The following UTP6 variants were observed in gnomAD, a reference collection of about 807,000 sequenced individuals.
The protein encoded by UTP6 is UTP6 small subunit processome component.
In UTP6, 60 loss-of-function variants were observed where a neutral mutation model predicts 96.5. That is an observed-to-expected ratio of 0.62 (90% CI 0.51 to 0.77). The LOEUF (loss-of-function observed/expected upper bound fraction) is 0.77, where lower values mean the gene tolerates loss of function less well. Among genes scored for constraint, UTP6 ranks in the 30% least tolerant of loss-of-function variants. The probability of loss-of-function intolerance (pLI) is 0.00; values close to 1 mark genes in which losing one functional copy is unlikely to be tolerated. For synonymous variants in UTP6, 215 were observed against 240.1 expected (o/e 0.90, Z 0.96); for missense variants, 637 against 706.5 (o/e 0.90, Z 1.12).
chr17:31,877,087 A>T (rs868657491), intron 13 of UTP6, among the ~76,000 whole-genome samples: 25 of 152,194 alleles, frequency 1.6e-4, no homozygotes, highest in South Asian at 2.1e-4. Context: ...GGAAACAGGT[A>T]TATTCAAACA....
intron 13 of UTP6, among the ~76,000 whole-genome samples, chr17:31,876,737 C>T (rs1049983796): frequency 6.6e-6 from 1 of 151,896 alleles, no homozygotes; most frequent in Non-Finnish European, 1.5e-5. Flanking sequence ...ATAGGCTGCG[C>T]TCAGTGGCTC....
At chr17:31,866,409 G>A (rs554021208) in intron 17 of UTP6, among the ~76,000 whole-genome samples, 4 of 150,972 alleles carry the variant, frequency 2.6e-5, no homozygotes, top group African/African-American at 4.9e-5. Flanking sequence ...CCTGGCCAAC[G>A]TGGTGAAACC....
At chr17:31,887,436 T>G in intron 7 of UTP6, 123 bp from the exon 8 acceptor site, 1 of 711,644 alleles carries the variant, frequency 1.4e-6, no homozygotes, top group Admixed American at 2.4e-5. Context: ...CGGCCATGAA[T>G]TCCTGCACTC....
chr17:31,878,865 AAC>A, intron 11 of UTP6, 84 bp from the exon 12 acceptor site: 2 of 1,315,790 alleles, frequency 1.5e-6, no homozygotes, highest in Non-Finnish European at 2.2e-6. Flanking sequence ...TAAGGAAAAA[AAC>A]AGTCATCCTA....
chr17:31,870,467 T>C (rs550642839), intron 16 of UTP6, among the ~76,000 whole-genome samples: 1 of 152,218 alleles, frequency 6.6e-6, no homozygotes, highest in South Asian at 2.1e-4. Flanking sequence ...ACAGCTATTA[T>C]GTTTGTTTTG....
chr17:31,865,524 C>CT lies in UTP6; in HGVS notation c.1564-87dup, dbSNP rs1241374971. On this transcript the variant is annotated intron_variant, in intron 17 of 18. Coordinates refer to ENST00000261708, the MANE Select transcript of UTP6 (RefSeq NM_018428.3). Reference sequence around the variant, plus strand: ...AACCATATTGTTAAGCAGCTACTGTCTGTCAGGTATTTGAAGGGAAGAGTT... The same window carrying CT: ...AACCATATTGTTAAGCAGCTACTGTCTTGTCAGGTATTTGAAGGGAAGAGTT... 4 of 1,338,092 alleles carry CT rather than the reference C, an allele frequency of 3.0e-6. 1 individual carries two copies. The highest frequency in any genetic ancestry group is 1.1e-6 in the Non-Finnish European group (1 of 949,342). The allele number at this position is 1,338,092 out of a possible 1,614,324, so 82.9% of individuals were successfully genotyped here.
At chr17:31,891,574 C>G (rs370714859) in intron 6 of UTP6, among the ~76,000 whole-genome samples, 1 of 152,164 alleles carries the variant, frequency 6.6e-6, no homozygotes, top group Admixed American at 6.6e-5. Flanking sequence ...AGAAATATTT[C>G]TCTTACAAAA....
chr17:31,893,430 CAAA>C (rs1295621293), intron 4 of UTP6, among the ~76,000 whole-genome samples: 1 of 50,602 alleles, frequency 2.0e-5, no homozygotes, highest in African/African-American at 6.9e-5. Flanking sequence ...GACTCCACCT[CAAA>C]AAAAAAAAAA....
At position 31,880,638 on chromosome 17, in the gene UTP6, T is replaced by A. The variant is rs1005508284; in HGVS notation, c.902A>T (p.Glu301Val). The change falls in exon 11 of 19, where the codon GAG (glutamate) becomes GTG (valine). Residue 301 changes from glutamate (E) to valine (V), a missense_variant. Transcript: ENST00000261708. ...GCACCTCTCCTCCTTCCGGCCGACC[T>A]CCACTGCTTTGGCTTGTTTCGTTGT... ...QPTTKQAKAVEVGRKEERCCA... is the reference protein window; with the variant it reads ...QPTTKQAKAVVVGRKEERCCA... 6.2e-7 allele frequency: 1 copy of A among 1,613,980 alleles called. No individual in the cohort carries two copies. Among genetic ancestry groups the A allele is most frequent in the African/African-American group, 1.3e-5 (1 of 74,914 alleles).
At chr17:31,896,135 T>C (rs895925222) in intron 2 of UTP6, among the ~76,000 whole-genome samples, 4 of 152,012 alleles carry the variant, frequency 2.6e-5, no homozygotes, top group African/African-American at 7.2e-5. Flanking sequence ...TGAAGTGCAG[T>C]GGCGCAACCT....
intron 18 of UTP6, among the ~76,000 whole-genome samples, chr17:31,864,820 G>A (rs1271264434): frequency 1.3e-5 from 2 of 151,806 alleles, no homozygotes; most frequent in Non-Finnish European, 2.9e-5. Context: ...TAGAGATGGG[G>A]ATCTAAATAT....
chr17:31,863,552 A>G, intron 18 of UTP6, 36 bp from the exon 19 acceptor site: 18 of 1,561,386 alleles, frequency 1.2e-5, no homozygotes, highest in Non-Finnish European at 1.6e-5. Context: ...GATAACTGAC[A>G]GAGTGTTATT....
intron 7 of UTP6, chr17:31,888,223 G>A (rs1487165606): frequency 6.6e-6 from 1 of 151,910 alleles, no homozygotes; most frequent in Non-Finnish European, 1.5e-5. Context: ...AAAGAAGCCA[G>A]AAGAGGGCTT....
rs150659021 is a variant in UTP6 at position 31,871,658 on chromosome 17, C to T, written c.1496+1720G>A. Among the ~76,000 whole-genome samples, 321 of 152,192 alleles carry T rather than the reference C, an allele frequency of 2.1e-3. 1 individual carries two copies. Among genetic ancestry groups the T allele is most frequent in the African/African-American group, 7.5e-3 (313 of 41,538 alleles). ...CCTGTAATCCCAGCATTTTGGGAGGCTGAGCTGGGCAGATTGCTTGGGCCC... is the reference window on the plus strand; with the variant it reads ...CCTGTAATCCCAGCATTTTGGGAGGTTGAGCTGGGCAGATTGCTTGGGCCC... On this transcript the variant is annotated intron_variant, in intron 16 of 18. Transcript: ENST00000261708.
chr17:31,890,427 C>T lies in UTP6; in HGVS notation c.425-1024G>A, dbSNP rs949126501. Among the ~76,000 whole-genome samples the T allele has an allele frequency of 1.3e-4, 20 of 151,318 alleles. 1 individual carries two copies. Among genetic ancestry groups the T allele is most frequent in the Admixed American group, 1.1e-3 (16 of 15,212 alleles). On this transcript the variant is annotated intron_variant, in intron 6 of 18. Coordinates refer to ENST00000261708, the MANE Select transcript of UTP6 (RefSeq NM_018428.3). ...TGTCAGGAGTTTGAGACCAGCCTGGCCAACATGGTGAATCCTCGTTTCTAC... is the reference window on the plus strand; with the variant it reads ...TGTCAGGAGTTTGAGACCAGCCTGGTCAACATGGTGAATCCTCGTTTCTAC...
chr17:31,885,529 C>T (rs1911096908), intron 9 of UTP6, among the ~76,000 whole-genome samples: 2 of 151,792 alleles, frequency 1.3e-5, no homozygotes, highest in Admixed American at 6.6e-5. Context: ...GTGGCTCACG[C>T]CTGTAATCCC....
intron 14 of UTP6, 175 bp from the exon 15 acceptor site, chr17:31,873,928 G>T: frequency 1.6e-6 from 1 of 617,136 alleles, no homozygotes; most frequent in Non-Finnish European, 2.6e-6. Context: ...TAATCAACAT[G>T]TAAAATAGGG....
intron 16 of UTP6, among the ~76,000 whole-genome samples, chr17:31,872,747 T>G (rs1055200039): frequency 1.3e-5 from 2 of 152,070 alleles, no homozygotes; most frequent in African/African-American, 4.8e-5. Flanking sequence ...ATGCCTGTAA[T>G]CCCAGCACTT....
intron 2 of UTP6, among the ~76,000 whole-genome samples, chr17:31,895,734 A>G (rs922101495): frequency 6.6e-6 from 1 of 151,962 alleles, no homozygotes; most frequent in Non-Finnish European, 1.5e-5. Context: ...GGGTTTCACC[A>G]TGTTGGCTAG....
Sources: allele counts gnomAD v4.1 joint callset (sites outside exome capture counted in the v4.1 genomes callset), GRCh38; gene constraint gnomAD v4.1.1; transcripts MANE v1.5; gene names NCBI Gene and HGNC (gene_info 2026-07-23, HGNC 2026-07-21).